ZFYVE26: variants seen among roughly 807,000 people sequenced by gnomAD.
The protein encoded by ZFYVE26 is zinc finger FYVE-type containing 26.
ZFYVE26 carries 181 observed loss-of-function variants against 276.5 expected under a neutral mutation model. The ratio of observed to expected loss-of-function variants is 0.65; its 90% CI spans 0.58 to 0.74. The LOEUF (loss-of-function observed/expected upper bound fraction) is 0.74. Among genes scored for constraint, ZFYVE26 ranks in the 30% least tolerant of loss-of-function variants. ZFYVE26 has a pLI of 0.00. For missense variants in ZFYVE26, 2,821 were observed against 3,097.9 expected, an observed-to-expected ratio of 0.91 and a Z score of 2.12; for synonymous variants, 1,129 against 1,203.1, an observed-to-expected ratio of 0.94 and a Z score of 1.27.
intron 28 of ZFYVE26, among the ~76,000 whole-genome samples, chr14:67,771,339 G>C (rs1201927199): frequency 6.6e-6 from 1 of 152,200 alleles, no homozygotes; most frequent in Non-Finnish European, 1.5e-5. Flanking sequence ...GGTATTCCAT[G>C]GTGTATATGT....
chr14:67,801,337 C>A (rs1435028910), intron 10 of ZFYVE26, among the ~76,000 whole-genome samples: 7 of 152,270 alleles, frequency 4.6e-5, no homozygotes, highest in Admixed American at 4.6e-4. Flanking sequence ...TTCCTCATCC[C>A]TGATAAGGAC....
At chr14:67,805,127 T>C (rs2040150259) in intron 8 of ZFYVE26, 90 bp downstream of exon 8, 1 of 1,277,988 alleles carries the variant, frequency 7.8e-7, no homozygotes, top group South Asian at 1.3e-5. Flanking sequence ...AAAACATTTA[T>C]GTGGAAAACG....
In ZFYVE26 at chr14:67,782,805, T is replaced by C. The variant is rs1480664331; in HGVS notation, c.4347A>G (p.Ala1449=). 3 of 1,614,142 alleles carry C rather than the reference T, an allele frequency of 1.9e-6. No individual in the cohort carries two copies. The highest frequency in any genetic ancestry group is 2.5e-6 in the Non-Finnish European group (3 of 1,180,048). ...DVDDLSSIKD[A]VLSCAVACDK... is the part of the protein sequence containing the mutation. ...CACATGCCACAGCACAGCTCAGGAC[T>C]GCATCCTTTATGCTGCTCAAATCGT... The change falls in exon 21 of 42, where the codon GCA becomes GCG. Residue 1449 remains alanine (A), a synonymous_variant. Transcript: ENST00000347230.
At chr14:67,741,001 G>T (rs2038410536) in intron 13 of ZFYVE26, among the ~76,000 whole-genome samples, 1 of 152,102 alleles carries the variant, frequency 6.6e-6, no homozygotes, top group Non-Finnish European at 1.5e-5. Flanking sequence ...ATATGAAGAA[G>T]GACAAGAATA....
intron 16 of ZFYVE26, among the ~76,000 whole-genome samples, chr14:67,787,278 C>G (rs2039683849): frequency 6.6e-6 from 1 of 151,930 alleles, no homozygotes; most frequent in Admixed American, 6.6e-5. Flanking sequence ...ATCACCTGAA[C>G]CCAGGAGTCA....
In ZFYVE26 at chr14:67,782,871, G is replaced by T. The variant is rs1430250129; in HGVS notation, c.4281C>A (p.Ser1427=). The change falls in exon 21 of 42, where the codon TCC becomes TCA. Residue 1427 remains serine, a synonymous_variant. Coordinates refer to ENST00000347230, the MANE Select transcript of ZFYVE26 (RefSeq NM_015346.4). ...FEESLVARDW[S]RALQLTEVYG... is the part of the protein sequence containing the mutation. ...ACACTTCAGTGAGCTGAAGGGCCCG[G>T]GACCAATCTCTGGCCACCAAGGATT... 6.2e-7 allele frequency: 1 copy of T among 1,614,188 alleles called. No individual in the cohort carries two copies. The highest frequency in any genetic ancestry group is 1.1e-5 in the South Asian group (1 of 91,090).
At chr14:67,763,106 C>T (rs1030259810) in intron 32 of ZFYVE26, among the ~76,000 whole-genome samples, 4 of 152,148 alleles carry the variant, frequency 2.6e-5, no homozygotes, top group Non-Finnish European at 4.4e-5. Context: ...GGCTTCACCA[C>T]GTTGGCCAGG....
intron 25 of ZFYVE26, among the ~76,000 whole-genome samples, chr14:67,776,852 T>C (rs1001136211): frequency 3.9e-5 from 6 of 152,260 alleles, no homozygotes; most frequent in South Asian, 2.1e-4. Context: ...TGGTTATATT[T>C]ATGGCTCTCT....
At chr14:67,794,580 A>G (rs933515407) in intron 12 of ZFYVE26, among the ~76,000 whole-genome samples, 5 of 152,138 alleles carry the variant, frequency 3.3e-5, no homozygotes, top group Non-Finnish European at 5.9e-5. Flanking sequence ...TAAAAGCACA[A>G]CTGTTATGAC....
chr14:67,737,102 T>TC (rs2038361585), intron 13 of ZFYVE26, among the ~76,000 whole-genome samples: 1 of 149,332 alleles, frequency 6.7e-6, no homozygotes, highest in South Asian at 2.1e-4. Flanking sequence ...TTTTTTTTTT[T>TC]TTTTTCGGTA....
chr14:67,761,267 G>C (rs1199733261), intron 35 of ZFYVE26, 99 bp downstream of exon 35: 1 of 1,117,132 alleles, frequency 9.0e-7, no homozygotes, highest in African/African-American at 1.5e-5. Context: ...CTCAACACAG[G>C]GTTAAGTGTC....
intron 27 of ZFYVE26, among the ~76,000 whole-genome samples, chr14:67,772,644 C>T (rs191948979): frequency 1.3e-5 from 2 of 152,258 alleles, no homozygotes; most frequent in African/African-American, 4.8e-5. Flanking sequence ...TGATTAAAGG[C>T]GCTTTAAGAG....
At chr14:67,801,228 G>A (rs528978689) in intron 10 of ZFYVE26, among the ~76,000 whole-genome samples, 5 of 151,796 alleles carry the variant, frequency 3.3e-5, no homozygotes, top group African/African-American at 1.2e-4. Flanking sequence ...TCCAGCCTGG[G>A]CAACAGAGCA....
At position 67,798,142 on chromosome 14, in the gene ZFYVE26, T is replaced by G; in HGVS notation, c.2120A>C (p.Lys707Thr). ...DEISSRSPPE[K>T]PKQESQSCSG... The stretch of plus-strand genomic sequence containing the variant: ...GCAGCTCTGACTTTCTTGCTTTGGC[T>G]TCTCAGGAGGGCTGCGGCTACTGAT... The change falls in exon 11 of 42, where the codon AAG becomes ACG. Residue 707 changes from lysine to threonine, a missense_variant. By Grantham distance (78) the Lys-to-Thr change is moderately conservative. Coordinates refer to ENST00000347230, the MANE Select transcript of ZFYVE26 (RefSeq NM_015346.4). 6.2e-7 allele frequency: 1 copy of G among 1,614,082 alleles called. No homozygotes were observed. The highest frequency in any genetic ancestry group is 8.5e-7 in the Non-Finnish European group (1 of 1,179,978).
chr14:67,773,751 A>T (rs1036321514), intron 27 of ZFYVE26, among the ~76,000 whole-genome samples: 1 of 152,122 alleles, frequency 6.6e-6, no homozygotes, highest in Non-Finnish European at 1.5e-5. Flanking sequence ...ATGTAAAGAG[A>T]TTTCTTACCA....
intron 2 of ZFYVE26, chr14:67,815,522 A>C: frequency 1.8e-6 from 1 of 567,210 alleles, no homozygotes. Context: ...AGGATAAACA[A>C]GAAATGGCAG....
rs1296876846 is a variant in ZFYVE26 at position 67,807,853 on chromosome 14, C to A, written c.431G>T (p.Ser144Ile). Reference protein sequence around the residue: ...HVPDGNPRRESWTPRLSSEAV... With the variant: ...HVPDGNPRREIWTPRLSSEAV... ...TTCGGAGCTGAGACGAGGAGTCCAG[C>A]TCTCCCTCCTTGGATTTCCGTCAGG... Residue 144 changes from serine (S) to isoleucine (I), a missense_variant, in exon 5 of 42, where the codon AGC becomes ATC. Ser to Ile is a moderately radical substitution (Grantham distance 142). Coordinates refer to ENST00000347230, the MANE Select transcript of ZFYVE26 (RefSeq NM_015346.4). The A allele has an allele frequency of 1.2e-6, 2 of 1,613,896 alleles. No homozygotes were observed. The highest frequency in any genetic ancestry group is 1.7e-6 in the Non-Finnish European group (2 of 1,179,868).
intron 36 of ZFYVE26, 51 bp from the exon 37 acceptor site, chr14:67,755,301 G>T: frequency 6.3e-7 from 1 of 1,599,224 alleles, no homozygotes; most frequent in Non-Finnish European, 8.6e-7. Flanking sequence ...GGGTTTGGAG[G>T]GTGGGGTGTG....
chr14:67,753,208 G>T (rs1327791085), intron 39 of ZFYVE26, among the ~76,000 whole-genome samples: 3 of 152,208 alleles, frequency 2.0e-5, no homozygotes, highest in Non-Finnish European at 4.4e-5. Flanking sequence ...GTGTGGTGGT[G>T]GGCAGGTCTG....
Sources: gnomAD v4.1 joint callset for allele counts (sites outside exome capture counted in the v4.1 genomes callset) on GRCh38, gnomAD v4.1.1 for gene constraint, MANE v1.5 for transcripts, NCBI Gene and HGNC (gene_info 2026-07-23, HGNC 2026-07-21) for gene names.